The following TBC1D12 variants were observed in gnomAD, a reference collection of about 807,000 sequenced individuals.
TBC1D12 encodes TBC1 domain family, member 12.
A neutral mutation model predicts 86.7 loss-of-function variants in TBC1D12; 56 were observed. The observed-to-expected ratio is 0.65, with a 90% CI of 0.52 to 0.81. TBC1D12 has a LOEUF of 0.81. TBC1D12 is among the 30% of genes least tolerant of loss of function. The pLI, the probability that TBC1D12 is intolerant of heterozygous loss-of-function variation, is 0.00. For missense variants in TBC1D12, 1,023 were observed against 1,038.8 expected (o/e 0.98, Z 0.21); for synonymous variants, 421 against 411.7 (o/e 1.02, Z -0.27).
intron 9 of TBC1D12, among the ~76,000 whole-genome samples, chr10:94,514,449 A>G (rs1167826745): frequency 1.3e-5 from 2 of 152,122 alleles, no homozygotes; most frequent in Non-Finnish European, 2.9e-5. Context: ...TCTGGTAACC[A>G]CTATTCTACT....
Position 94,521,378 on chromosome 10 carries a change from C to T in TBC1D12, c.1762-577C>T, listed in dbSNP as rs1256489711. On this transcript the variant is annotated intron_variant, in intron 9 of 12. Coordinates refer to ENST00000225235, the MANE Select transcript of TBC1D12 (RefSeq NM_015188.2). ...TACCTTCTCTAAATGCCTTTCCTTACTCCAGCTGAGCTGGTCCTATTGTTC... is the reference window on the plus strand; with the variant it reads ...TACCTTCTCTAAATGCCTTTCCTTATTCCAGCTGAGCTGGTCCTATTGTTC... Among the ~76,000 whole-genome samples, 3 of 152,154 alleles carry T rather than the reference C, an allele frequency of 2.0e-5. No homozygotes were observed. In the East Asian group the frequency reaches 5.8e-4, roughly 29 times the overall value.
chr10:94,406,796 A>G (rs1406758928), intron 1 of TBC1D12, among the ~76,000 whole-genome samples: 2 of 152,144 alleles, frequency 1.3e-5, no homozygotes, highest in East Asian at 3.9e-4. Flanking sequence ...CTTGGGTGCA[A>G]CCCTTACTCC....
chr10:94,521,931 G>A, intron 9 of TBC1D12, 24 bp from the exon 10 acceptor site: 3 of 1,547,506 alleles, frequency 1.9e-6, no homozygotes, highest in East Asian at 2.3e-5. Context: ...AGTCCATTTT[G>A]ACTAAATTTT....
intron 1 of TBC1D12, among the ~76,000 whole-genome samples, chr10:94,419,640 G>T (rs184623989): frequency 6.6e-6 from 1 of 152,156 alleles, no homozygotes; most frequent in African/African-American, 2.4e-5. Flanking sequence ...CTGCACTCTA[G>T]CCTGGGCGAC....
intron 1 of TBC1D12, among the ~76,000 whole-genome samples, chr10:94,415,958 T>C (rs2054992993): frequency 6.6e-6 from 1 of 152,194 alleles, no homozygotes. Flanking sequence ...GGGAAAATTT[T>C]AGGAGATAAC....
intron 3 of TBC1D12, among the ~76,000 whole-genome samples, chr10:94,479,856 T>C (rs1023204662): frequency 6.6e-6 from 1 of 152,190 alleles, no homozygotes; most frequent in Non-Finnish European, 1.5e-5. Context: ...AATTTAAGTA[T>C]GTAAGTAGCC....
At chr10:94,476,036 C>A (rs1256709241) in intron 3 of TBC1D12, among the ~76,000 whole-genome samples, 1 of 151,998 alleles carries the variant, frequency 6.6e-6, no homozygotes, top group African/African-American at 2.4e-5. Context: ...AACTCCTGGC[C>A]TCAGACAATC....
At chr10:94,431,305 C>T (rs1169436570) in intron 1 of TBC1D12, among the ~76,000 whole-genome samples, 1 of 151,522 alleles carries the variant, frequency 6.6e-6, no homozygotes, top group Non-Finnish European at 1.5e-5. Flanking sequence ...ATCCCAGCTA[C>T]TTGGGAGACT....
chr10:94,497,841 G>A (rs1362302405), intron 5 of TBC1D12, among the ~76,000 whole-genome samples: 3 of 115,502 alleles, frequency 2.6e-5, no homozygotes, highest in Non-Finnish European at 5.2e-5. Flanking sequence ...TTTTTTTTCT[G>A]AGACGGAGTC....
intron 1 of TBC1D12, among the ~76,000 whole-genome samples, chr10:94,414,782 T>C (rs2054976944): frequency 6.6e-6 from 1 of 152,084 alleles, no homozygotes; most frequent in Non-Finnish European, 1.5e-5. Flanking sequence ...GTATTTTTAG[T>C]AGAGATGGGG....
chr10:94,533,117 A>C lies in TBC1D12; in HGVS notation c.*21A>C. The C allele has an allele frequency of 6.6e-7, 1 of 1,516,214 alleles. No individual in the cohort carries two copies. Among genetic ancestry groups the C allele is most frequent in the Non-Finnish European group, 8.9e-7 (1 of 1,118,904 alleles). 93.9% of individuals were successfully genotyped at this position (1,516,214 alleles called of 1,614,324 possible). A position where few individuals can be genotyped will look rare whatever the true frequency, so the allele number is the denominator to read the frequency against. ...GCTAGTCTTCAAAATTGACAGACTA[A>C]CTGACATAGAAAAAGTGGTTTTTGG... On this transcript the variant is annotated 3_prime_UTR_variant, in exon 13 of 13. Coordinates refer to ENST00000225235, the MANE Select transcript of TBC1D12 (RefSeq NM_015188.2).
At chr10:94,440,709 T>C (rs906816519) in intron 1 of TBC1D12, among the ~76,000 whole-genome samples, 2 of 152,118 alleles carry the variant, frequency 1.3e-5, no homozygotes, top group East Asian at 3.8e-4. Flanking sequence ...ATGCAAAGGG[T>C]TTATATTGAG....
At chr10:94,454,700 G>T (rs747895833) in intron 2 of TBC1D12, among the ~76,000 whole-genome samples, 2 of 151,900 alleles carry the variant, frequency 1.3e-5, no homozygotes, top group Non-Finnish European at 2.9e-5. Flanking sequence ...CTGTTATATT[G>T]TAAGAAAGTG....
At chr10:94,531,871 G>GTTATGTTATA (rs1554951740) in intron 12 of TBC1D12, among the ~76,000 whole-genome samples, 1 of 110,816 alleles carries the variant, frequency 9.0e-6, no homozygotes, top group Non-Finnish European at 2.0e-5. Flanking sequence ...TATATGTTAT[G>GTTATGTTATA]TTATGTTATG....
At chr10:94,447,057 CAAAAAAAAAAA>C (rs35395527) in intron 2 of TBC1D12, among the ~76,000 whole-genome samples, 2 of 100,474 alleles carry the variant, frequency 2.0e-5, no homozygotes, top group Non-Finnish European at 4.0e-5. Flanking sequence ...TGAGCTGTTT[CAAAAAAAAAAA>C]AAAAAAAACC....
intron 8 of TBC1D12, among the ~76,000 whole-genome samples, chr10:94,511,109 T>C (rs2056521355): frequency 6.9e-6 from 1 of 144,552 alleles, no homozygotes; most frequent in Admixed American, 7.0e-5. Context: ...TTTTTTTTTT[T>C]TTTTTTTTGA....
intron 11 of TBC1D12, among the ~76,000 whole-genome samples, chr10:94,529,716 TATTATGGGACTGAG>T (rs1271803711): frequency 6.6e-6 from 1 of 152,088 alleles, no homozygotes; most frequent in African/African-American, 2.4e-5. Context: ...GGTTTTTTAA[TATTATGGGACTGAG>T]ATCCAAGTTT....
intron 7 of TBC1D12, among the ~76,000 whole-genome samples, chr10:94,507,952 A>C (rs1171318433): frequency 1.3e-5 from 2 of 152,138 alleles, no homozygotes; most frequent in Admixed American, 6.5e-5. Flanking sequence ...ACGCCATTGC[A>C]CTCCAGCCTG....
chr10:94,493,039 C>T (rs1356686461), intron 3 of TBC1D12, among the ~76,000 whole-genome samples: 1 of 152,096 alleles, frequency 6.6e-6, no homozygotes, highest in Non-Finnish European at 1.5e-5. Flanking sequence ...AGGAGGATTG[C>T]TTCAACCCAG....
Sources: gnomAD v4.1 joint callset for allele counts (sites outside exome capture counted in the v4.1 genomes callset) on GRCh38, gnomAD v4.1.1 for gene constraint, MANE v1.5 for transcripts, NCBI Gene and HGNC (gene_info 2026-07-23, HGNC 2026-07-21) for gene names.